ANAPC1: variants seen among roughly 807,000 people sequenced by gnomAD.
The protein encoded by ANAPC1 is anaphase-promoting complex subunit 1.
A neutral mutation model predicts 208.0 loss-of-function variants in ANAPC1; 36 were observed. The observed-to-expected ratio is 0.17, with a 90% CI of 0.13 to 0.23. The LOEUF is 0.23. Ranked by LOEUF, ANAPC1 falls within the 10% of genes least tolerant of loss-of-function variation. ANAPC1 has a pLI of 1.00. For synonymous variants in ANAPC1, 378 were observed against 695.2 expected, an observed-to-expected ratio of 0.54 and a Z score of 7.18; for missense variants, 942 against 2,011.6, an observed-to-expected ratio of 0.47 and a Z score of 10.17.
At chr2:111,864,987 A>G in intron 7 of ANAPC1, 36 bp from the exon 8 acceptor site, 16 of 1,576,716 alleles carry the variant, frequency 1.0e-5, no homozygotes, top group Non-Finnish European at 1.3e-5. Flanking sequence ...GTATAGAACA[A>G]TGGGCTTTAC....
intron 2 of ANAPC1, among the ~76,000 whole-genome samples, chr2:111,879,483 C>T (rs1026255755): frequency 3.3e-5 from 5 of 152,160 alleles, no homozygotes; most frequent in African/African-American, 1.2e-4. Context: ...CTTTCCCTCC[C>T]CGAGATTTTA....
At chr2:111,788,127 A>G in intron 39 of ANAPC1, 107 bp downstream of exon 39, 9 of 1,500,702 alleles carry the variant, frequency 6.0e-6, no homozygotes, top group Non-Finnish European at 8.1e-6. Context: ...GTTGGAGAAC[A>G]AAACAATGCT....
intron 29 of ANAPC1, among the ~76,000 whole-genome samples, chr2:111,806,998 A>G (rs1445166071): frequency 1.5e-4 from 10 of 68,748 alleles, no homozygotes; most frequent in African/African-American, 6.1e-4. Flanking sequence ...CGAGTTCGAG[A>G]CCAGCCTGTC....
At chr2:111,810,430 A>T (rs1220713976) in intron 28 of ANAPC1, among the ~76,000 whole-genome samples, 1 of 152,200 alleles carries the variant, frequency 6.6e-6, no homozygotes, top group Non-Finnish European at 1.5e-5. Flanking sequence ...ACTAAAAACC[A>T]CTGTACCACA....
intron 42 of ANAPC1, among the ~76,000 whole-genome samples, chr2:111,783,346 T>G (rs1160188446): frequency 1.3e-5 from 2 of 152,154 alleles, no homozygotes; most frequent in African/African-American, 4.8e-5. Context: ...ATTTCCCTCA[T>G]GCTGTTCTCA....
chr2:111,843,208 T>C (rs1388618884), intron 17 of ANAPC1, among the ~76,000 whole-genome samples: 1 of 152,202 alleles, frequency 6.6e-6, no homozygotes, highest in Non-Finnish European at 1.5e-5. Context: ...ATTCTAAAGC[T>C]CAGTAATTAT....
At chr2:111,808,134 G>A (rs1198861650) in intron 29 of ANAPC1, among the ~76,000 whole-genome samples, 81 of 149,778 alleles carry the variant, frequency 5.4e-4, no homozygotes, top group African/African-American at 1.8e-3. Flanking sequence ...CAGAACAGCC[G>A]GCTACACATC....
chr2:111,875,772 C>T (rs1304812945), intron 3 of ANAPC1, among the ~76,000 whole-genome samples: 1 of 152,234 alleles, frequency 6.6e-6, no homozygotes, highest in Admixed American at 6.5e-5. Flanking sequence ...CATCTCTCCA[C>T]ACCCACACTT....
chr2:111,855,081 T>C (rs1275287381), intron 13 of ANAPC1, among the ~76,000 whole-genome samples: 1 of 152,184 alleles, frequency 6.6e-6, no homozygotes, highest in East Asian at 1.9e-4. Flanking sequence ...TTAGAGGCCA[T>C]TAGAGGGTTA....
At position 111,878,849 on chromosome 2, in the gene ANAPC1, T is replaced by C. The variant is rs1325210270; in HGVS notation, c.336A>G (p.Ala112=). 3 of 1,606,296 alleles carry C rather than the reference T, an allele frequency of 1.9e-6. No individual in the cohort carries two copies. In the South Asian group the frequency reaches 3.3e-5, roughly 18 times the overall value. ...WSKGSKSQAL[A]VYKAFTVDSP... Reference sequence around the variant, plus strand: ...TGTCAACTGTAAATGCTTTATAAACTGCCAATGCCTGGCTTTTACTTCCTT... The same window carrying C: ...TGTCAACTGTAAATGCTTTATAAACCGCCAATGCCTGGCTTTTACTTCCTT... The change falls in exon 3 of 48, where the codon GCA becomes GCG. Residue 112 remains alanine, a synonymous_variant. Transcript: ENST00000341068.
chr2:111,840,957 C>T (rs12992603), intron 17 of ANAPC1, among the ~76,000 whole-genome samples: 2 of 152,016 alleles, frequency 1.3e-5, no homozygotes, highest in Non-Finnish European at 2.9e-5. Context: ...GCACAAGAAT[C>T]GCTTCAACTT....
At chr2:111,782,704 C>T (rs1193435808) in intron 42 of ANAPC1, among the ~76,000 whole-genome samples, 197 bp from the exon 43 acceptor site, 1 of 152,144 alleles carries the variant, frequency 6.6e-6, no homozygotes, top group Non-Finnish European at 1.5e-5. Context: ...TCTTTGGTGT[C>T]TAGATTCATG....
rs1680885774 is a variant in ANAPC1 at position 111,843,586 on chromosome 2, C to A, written c.1866G>T (p.Leu622Phe). Residue 622 changes from leucine to phenylalanine, a missense_variant, in exon 17 of 48, where the codon TTG (leucine) becomes TTT (phenylalanine). Physicochemically the swap from Leu to Phe is conservative, Grantham distance 22. Coordinates refer to ENST00000341068, the MANE Select transcript of ANAPC1 (RefSeq NM_022662.4). ...IATSELVQTC[L>F]QAIKFILPKE... ...TTGGCAGGATAAACTTAATTGCTTG[C>A]AAACACGTTTGTACTATTAAAAGCA... 6.2e-7 allele frequency: 1 copy of A among 1,611,286 alleles called. No homozygotes were observed. The highest frequency in any genetic ancestry group is 1.3e-5 in the African/African-American group (1 of 74,846).
At chr2:111,770,865 C>T (rs2104455361) in intron 47 of ANAPC1, among the ~76,000 whole-genome samples, 1 of 151,554 alleles carries the variant, frequency 6.6e-6, no homozygotes, top group East Asian at 2.0e-4. Context: ...AGTATGATAA[C>T]TCCAATATCT....
intron 21 of ANAPC1, among the ~76,000 whole-genome samples, chr2:111,827,861 A>G (rs1408994000): frequency 6.6e-6 from 1 of 152,178 alleles, no homozygotes; most frequent in Non-Finnish European, 1.5e-5. Context: ...ATATTTTTAT[A>G]AATAAAAATT....
At chr2:111,779,239 G>T (rs1374383209) in intron 44 of ANAPC1, 1 of 149,210 alleles carries the variant, frequency 6.7e-6, no homozygotes, top group Non-Finnish European at 1.5e-5. Context: ...CTAGCTGTGA[G>T]ATCTTGGGCA....
At chr2:111,783,587 AC>A (rs1677399802) in intron 42 of ANAPC1, among the ~76,000 whole-genome samples, 1 of 152,136 alleles carries the variant, frequency 6.6e-6, no homozygotes, top group South Asian at 2.1e-4. Flanking sequence ...ATGGACTAAT[AC>A]ACTTTCTTAA....
At position 111,841,131 on chromosome 2, in the gene ANAPC1, A is replaced by G. The variant is rs188609468; in HGVS notation, c.2040+2281T>C. ...GAGAGCAATTCCTTCATGTGCTGAA[A>G]TAGACACAAACTCTTAAAAACAGTA... On this transcript the variant is annotated intron_variant, in intron 17 of 47. Transcript: ENST00000341068. Among the ~76,000 whole-genome samples the G allele has an allele frequency of 4.6e-3, 701 of 152,282 alleles. 4 individuals are homozygous for G. Among genetic ancestry groups the G allele is most frequent in the African/African-American group, 0.013 (558 of 41,544 alleles).
intron 20 of ANAPC1, 63 bp downstream of exon 20, chr2:111,833,157 G>C (rs974110315): frequency 1.3e-6 from 2 of 1,522,286 alleles, no homozygotes; most frequent in African/African-American, 1.4e-5. Flanking sequence ...GCTATTCAAT[G>C]AGAAAGATAC....
Sources: allele counts gnomAD v4.1 joint callset (sites outside exome capture counted in the v4.1 genomes callset), GRCh38; gene constraint gnomAD v4.1.1; transcripts MANE v1.5; gene names NCBI Gene and HGNC (gene_info 2026-07-23, HGNC 2026-07-21).